ACTN1: variants seen among roughly 807,000 people sequenced by gnomAD.
ACTN1 encodes alpha-actinin-1.
Under a neutral mutation model 119.6 loss-of-function variants are expected in ACTN1, and 30 were observed. The observed-to-expected ratio is 0.25, with a 90% CI of 0.19 to 0.34. ACTN1 has a LOEUF of 0.34. Among genes scored for constraint, ACTN1 ranks in the 10% least tolerant of loss-of-function variants. The probability of loss-of-function intolerance (pLI) is 1.00; values close to 1 mark genes in which losing one functional copy is unlikely to be tolerated. For missense variants in ACTN1, 764 were observed against 1,223.4 expected, an observed-to-expected ratio of 0.62 and a Z score of 5.60; for synonymous variants, 429 against 472.6, an observed-to-expected ratio of 0.91 and a Z score of 1.20.
At chr14:68,930,118 T>G (rs2035153393) in intron 1 of ACTN1, among the ~76,000 whole-genome samples, 1 of 152,196 alleles carries the variant, frequency 6.6e-6, no homozygotes, top group Non-Finnish European at 1.5e-5. Context: ...GGAATATGGC[T>G]TTTGAGAACG....
intron 6 of ACTN1, 41 bp from the exon 7 acceptor site, chr14:68,904,777 C>T: frequency 1.3e-6 from 2 of 1,556,806 alleles, no homozygotes; most frequent in East Asian, 2.3e-5. Flanking sequence ...AAGTGAGAGC[C>T]ACCACAAGTC....
chr14:68,896,605 T>C (rs1034719006), intron 8 of ACTN1, among the ~76,000 whole-genome samples: 4 of 152,164 alleles, frequency 2.6e-5, no homozygotes, highest in African/African-American at 4.8e-5. Context: ...GACAACCCTT[T>C]AGTCCAGAAG....
At chr14:68,958,830 C>CTGTT (rs1231422512) in intron 1 of ACTN1, among the ~76,000 whole-genome samples, 9 of 152,348 alleles carry the variant, frequency 5.9e-5, no homozygotes, top group Non-Finnish European at 1.2e-4. Context: ...ACTGACCACA[C>CTGTT]TGTTTCCTTC....
intron 3 of ACTN1, among the ~76,000 whole-genome samples, chr14:68,918,748 A>G (rs1566636488): frequency 6.6e-6 from 1 of 152,116 alleles, no homozygotes; most frequent in Non-Finnish European, 1.5e-5. Flanking sequence ...AAAAAAAGAA[A>G]AGAAAGTTCT....
chr14:68,899,261 C>A (rs2033126497), intron 8 of ACTN1, among the ~76,000 whole-genome samples: 2 of 148,626 alleles, frequency 1.3e-5, no homozygotes, highest in African/African-American at 5.0e-5. Context: ...CACACACACA[C>A]CCACATGCCA....
At chr14:68,929,503 C>T (rs1348954960) in intron 1 of ACTN1, among the ~76,000 whole-genome samples, 2 of 152,062 alleles carry the variant, frequency 1.3e-5, no homozygotes, top group Non-Finnish European at 2.9e-5. Flanking sequence ...CCTCCCCTCA[C>T]CCCAAGAGCC....
intron 1 of ACTN1, among the ~76,000 whole-genome samples, chr14:68,960,942 C>T (rs905481486): frequency 6.6e-6 from 1 of 152,062 alleles, no homozygotes; most frequent in Non-Finnish European, 1.5e-5. Context: ...GTGGCATGCA[C>T]CTGTAGTCCC....
rs916311125 is a variant in ACTN1 at position 68,934,867 on chromosome 14, A to G, written c.106-9195T>C. On this transcript the variant is annotated intron_variant, in intron 1 of 21. Coordinates refer to ENST00000394419, the MANE Select transcript of ACTN1 (RefSeq NM_001130004.2). Reference sequence around the variant, plus strand: ...CAGGATTCAAGACTGTATGTACTGCAAGTTTAAAACTATGTGGGCAATCAC... The same window carrying G: ...CAGGATTCAAGACTGTATGTACTGCGAGTTTAAAACTATGTGGGCAATCAC... Among the ~76,000 whole-genome samples the G allele has an allele frequency of 3.3e-5, 5 of 152,366 alleles. 1 individual carries two copies. Among genetic ancestry groups the G allele is most frequent in the Admixed American group, 3.3e-4 (5 of 15,308 alleles).
At position 68,874,783 on chromosome 14, in the gene ACTN1, C is replaced by T; in HGVS notation, c.*76G>A. The T allele has an allele frequency of 1.4e-6, 2 of 1,402,668 alleles. No homozygotes were observed. Among genetic ancestry groups the T allele is most frequent in the Non-Finnish European group, 1.9e-6 (2 of 1,069,832 alleles). 86.9% of individuals were successfully genotyped at this position (1,402,668 alleles called of 1,614,324 possible). On this transcript the variant is annotated 3_prime_UTR_variant, in exon 22 of 22. Transcript: ENST00000394419. Reference sequence around the variant, plus strand: ...GGAGGCTGGGAGCTGAAACCGAACCCAGGCAGGAGATGGGCGACGGCGGAG... The same window carrying T: ...GGAGGCTGGGAGCTGAAACCGAACCTAGGCAGGAGATGGGCGACGGCGGAG...
chr14:68,908,453 A>C (rs1432619462), intron 6 of ACTN1, among the ~76,000 whole-genome samples: 3 of 152,206 alleles, frequency 2.0e-5, no homozygotes, highest in Non-Finnish European at 2.9e-5. Context: ...GAGACACACA[A>C]GTCCAGCCGC....
intron 1 of ACTN1, among the ~76,000 whole-genome samples, chr14:68,954,273 T>C (rs182485060): frequency 6.6e-5 from 10 of 152,322 alleles, no homozygotes; most frequent in Admixed American, 3.9e-4. Flanking sequence ...TAGTTAGATA[T>C]GGAAGCACTT....
chr14:68,978,759 G>C (rs1051618609), intron 1 of ACTN1, 193 bp downstream of exon 1: 1 of 411,004 alleles, frequency 2.4e-6, no homozygotes, highest in Non-Finnish European at 4.3e-6. Context: ...CGGGCTCCGG[G>C]GCAGGGGCGC....
chr14:68,879,974 G>A lies in ACTN1; in HGVS notation c.2268C>T (p.Asn756=). The A allele has an allele frequency of 5.0e-6, 8 of 1,614,190 alleles. No homozygotes were observed. The highest frequency in any genetic ancestry group is 6.8e-6 in the Non-Finnish European group (8 of 1,179,998). The part of the protein sequence containing the change: ...EQMNEFRASF[N]HFDRDHSGTL... ...ATGGGGCTCTCACCCGGTCAAAGTG[G>A]TTGAAGGAGGCCCGGAACTCATTCA... is the stretch of plus-strand genomic sequence containing the variant. The change falls in exon 18 of 22, where the codon AAC becomes AAT. Residue 756 remains asparagine (N), a synonymous_variant. Transcript: ENST00000394419. The surrounding 1 kb of genome is among the most constrained non-coding windows in gnomAD (Gnocchi z 4.9).
intron 8 of ACTN1, among the ~76,000 whole-genome samples, chr14:68,894,077 A>G (rs1401625269): frequency 1.3e-5 from 2 of 152,130 alleles, no homozygotes; most frequent in African/African-American, 4.8e-5. Context: ...TCAGGTGGAG[A>G]GGTGAGAAAA....
At position 68,875,031 on chromosome 14, in the gene ACTN1, G is replaced by A; in HGVS notation, c.2587-14C>T. 6.2e-7 allele frequency: 1 copy of A among 1,612,058 alleles called. No individual in the cohort carries two copies. The highest frequency in any genetic ancestry group is 8.5e-7 in the Non-Finnish European group (1 of 1,179,936). On this transcript the variant is annotated splice_polypyrimidine_tract_variant and intron_variant, in intron 21 of 21. Coordinates refer to ENST00000394419, the MANE Select transcript of ACTN1 (RefSeq NM_001130004.2). ...GGTAATGTAGTTCTGCGAGGAGAGA[G>A]TGGTCAGGAAGGCCGCAAAGTCCAG...
At chr14:68,899,231 ACACACACAGCACTCCCCTT>A (rs1452190141) in intron 8 of ACTN1, among the ~76,000 whole-genome samples, 2 of 128,172 alleles carry the variant, frequency 1.6e-5, no homozygotes, top group Non-Finnish European at 3.3e-5. Flanking sequence ...ACCACACCCC[ACACACACAGCACTCCCCTT>A]CACACACACA....
intron 4 of ACTN1, among the ~76,000 whole-genome samples, chr14:68,911,708 T>C (rs1482854155): frequency 6.6e-6 from 1 of 151,900 alleles, no homozygotes; most frequent in Non-Finnish European, 1.5e-5. Context: ...ACTGCCCGAG[T>C]GTGGAATCAA....
rs764611361 is a variant in ACTN1, at chr14:68,909,875, C to T, written c.515+80G>A. ...TCTCCACTTTGTTCTAAAGCTGAGA[C>T]TGACCCAGCCAAGGGGGTCTGGGAG... On this transcript the variant is annotated intron_variant, in intron 5 of 21. Transcript: ENST00000394419. The surrounding 1 kb of genome is among the most constrained non-coding windows in gnomAD (Gnocchi z 4.1). 165 of 1,261,030 alleles carry T rather than the reference C, an allele frequency of 1.3e-4. No homozygotes were observed. Among genetic ancestry groups the T allele is most frequent in the Non-Finnish European group, 1.9e-4 (162 of 873,880 alleles). 78.1% of individuals were successfully genotyped at this position (1,261,030 alleles called of 1,614,324 possible). A position where few individuals can be genotyped will look rare whatever the true frequency, so the allele number is the denominator to read the frequency against.
chr14:68,884,042 AG>A (rs2031791641), intron 14 of ACTN1, 125 bp downstream of exon 14: 1 of 996,064 alleles, frequency 1.0e-6, no homozygotes, highest in Non-Finnish European at 1.4e-6. Flanking sequence ...TCAAATGCAA[AG>A]GTTCTGGGTC....
Sources: allele counts gnomAD v4.1 joint callset (sites outside exome capture counted in the v4.1 genomes callset), GRCh38; gene constraint gnomAD v4.1.1; non-coding constraint Gnocchi (gnomAD v3.1); transcripts MANE v1.5; gene names NCBI Gene and HGNC (gene_info 2026-07-23, HGNC 2026-07-21).